The following FANCL variants were observed in gnomAD, a reference collection of about 807,000 sequenced individuals.
The protein encoded by FANCL is E3 ubiquitin-protein ligase FANCL.
In FANCL, 69 loss-of-function variants were observed where a neutral mutation model predicts 59.4. That is an observed-to-expected ratio of 1.16 (90% CI 0.96 to 1.42). The LOEUF (loss-of-function observed/expected upper bound fraction) is 1.42. Among genes scored for constraint, FANCL ranks in the 40% most tolerant of loss-of-function variants. The probability of loss-of-function intolerance (pLI) is 0.00; values close to 1 mark genes in which losing one functional copy is unlikely to be tolerated. For missense variants in FANCL, 519 were observed against 447.2 expected (o/e 1.16, Z -1.45); for synonymous variants, 180 against 147.1 (o/e 1.22, Z -1.62).
rs1170502564 is a variant in FANCL, at chr2:58,159,377, A to C, written c.*388T>G. Reference sequence around the variant, plus strand: ...AGCACAAGGAGAAGACAGAAATATCAAGAGTCTCAAGAACCTTTGAATGAA... The same window carrying C: ...AGCACAAGGAGAAGACAGAAATATCCAGAGTCTCAAGAACCTTTGAATGAA... On this transcript the variant is annotated 3_prime_UTR_variant, in exon 14 of 14. Transcript: ENST00000233741. 1 of 1,610,470 alleles carries C rather than the reference A, an allele frequency of 6.2e-7. No homozygotes were observed. The highest frequency in any genetic ancestry group is 8.5e-7 in the Non-Finnish European group (1 of 1,178,702).
intron 5 of FANCL, among the ~76,000 whole-genome samples, chr2:58,211,014 G>C (rs1287343472): frequency 1.3e-5 from 2 of 152,146 alleles, no homozygotes; most frequent in East Asian, 1.9e-4. Context: ...TACCATTCTG[G>C]GGTCTGGAAG....
intron 11 of FANCL, 27 bp downstream of exon 11, chr2:58,162,839 G>A (rs567636275): frequency 6.3e-7 from 1 of 1,578,024 alleles, no homozygotes; most frequent in Admixed American, 1.7e-5. Context: ...ATACTGTCTG[G>A]AATATCAAAA....
Position 58,159,478 on chromosome 2 carries a change from A to G in FANCL, c.*287T>C, listed in dbSNP as rs1325171728. The G allele has an allele frequency of 8.1e-6, 13 of 1,613,734 alleles. No homozygotes were observed. Among genetic ancestry groups the G allele is most frequent in the Non-Finnish European group, 1.1e-5 (13 of 1,179,762 alleles). On this transcript the variant is annotated 3_prime_UTR_variant, in exon 14 of 14. Transcript: ENST00000233741. Reference sequence around the variant, plus strand: ...TTATGAGCCTCATCAAGATTTTACCAGTCCAGATATATTCAAGAAGTCAAG... The same window carrying G: ...TTATGAGCCTCATCAAGATTTTACCGGTCCAGATATATTCAAGAAGTCAAG...
intron 11 of FANCL, among the ~76,000 whole-genome samples, chr2:58,162,633 T>TTA (rs1685376012): frequency 6.6e-6 from 1 of 151,976 alleles, no homozygotes; most frequent in Non-Finnish European, 1.5e-5. Flanking sequence ...GGAACTTTAA[T>TTA]GTCTGTGGAT....
rs567937973 is a variant in FANCL, at chr2:58,226,896, A to G, written c.217-112T>C. The G allele has an allele frequency of 1.3e-5, 11 of 819,598 alleles. No homozygotes were observed. The African/African-American group carries it at 1.9e-4, about 14-fold the overall frequency. 50.8% of individuals were successfully genotyped at this position (819,598 alleles called of 1,614,324 possible). A position where few individuals can be genotyped will look rare whatever the true frequency, so the allele number is the denominator to read the frequency against. On this transcript the variant is annotated intron_variant, in intron 3 of 13. Transcript: ENST00000233741. ...TGTGAAAAAAAGATTAGCTATATCT[A>G]CATCTGAAAACTATAAGAAATGAAG...
At chr2:58,178,275 C>T (rs369309959) in intron 7 of FANCL, among the ~76,000 whole-genome samples, 2 of 152,062 alleles carry the variant, frequency 1.3e-5, no homozygotes, top group East Asian at 1.9e-4. Flanking sequence ...GGAGGAGGCA[C>T]AACAGAAAAA....
At chr2:58,166,685 A>G (rs1685984878) in intron 7 of FANCL, among the ~76,000 whole-genome samples, 1 of 152,240 alleles carries the variant, frequency 6.6e-6, no homozygotes, top group Non-Finnish European at 1.5e-5. Flanking sequence ...CAAAATGTAA[A>G]GTCACATACT....
intron 1 of FANCL, among the ~76,000 whole-genome samples, chr2:58,234,841 G>A (rs1693869338): frequency 6.6e-6 from 1 of 152,100 alleles, no homozygotes; most frequent in South Asian, 2.1e-4. Flanking sequence ...AAACTGAAGA[G>A]AACTGCTTCT....
chr2:58,168,488 G>A (rs1386282041), intron 7 of FANCL, among the ~76,000 whole-genome samples: 1 of 152,120 alleles, frequency 6.6e-6, no homozygotes, highest in Non-Finnish European at 1.5e-5. Flanking sequence ...TATTTCACCA[G>A]GGCCCTGGGT....
intron 5 of FANCL, among the ~76,000 whole-genome samples, chr2:58,207,020 G>C (rs1220972685): frequency 6.6e-6 from 1 of 152,100 alleles, no homozygotes; most frequent in Non-Finnish European, 1.5e-5. Context: ...ATAAAACCAA[G>C]TTTTAGCAGG....
chr2:58,207,152 T>A (rs573502350), intron 5 of FANCL, among the ~76,000 whole-genome samples: 1 of 152,174 alleles, frequency 6.6e-6, no homozygotes. Flanking sequence ...GGTTCATTTA[T>A]AACAGAACTA....
At position 58,163,463 on chromosome 2, in the gene FANCL, G is replaced by A; in HGVS notation, c.746C>T (p.Pro249Leu). Residue 249 changes from proline (P) to leucine (L), a missense_variant, in exon 9 of 14, where the codon CCT becomes CTT. Coordinates refer to ENST00000233741, the MANE Select transcript of FANCL (RefSeq NM_018062.4). ...GTCAGCTCCAAGAAAGAAGCACTCA[G>A]GAAGCATAGTAGGATGCCTGGGGTC... The part of the protein sequence containing the change: ...EVDPRHPTML[P>L]ECFFLGADHV... 1 of 1,611,038 alleles carries A rather than the reference G, an allele frequency of 6.2e-7. No homozygotes were observed. The highest frequency in any genetic ancestry group is 8.5e-7 in the Non-Finnish European group (1 of 1,177,484).
chr2:58,226,818 C>A (rs1219231555), intron 3 of FANCL, 34 bp from the exon 4 acceptor site: 1 of 1,564,222 alleles, frequency 6.4e-7, no homozygotes, highest in South Asian at 1.1e-5. Flanking sequence ...ATTTCATTTG[C>A]ACAATAAATA....
At chr2:58,180,405 T>C (rs1399041610) in intron 7 of FANCL, among the ~76,000 whole-genome samples, 1 of 152,176 alleles carries the variant, frequency 6.6e-6, no homozygotes, top group African/African-American at 2.4e-5. Flanking sequence ...AAGGATGAGT[T>C]CATGTCCTTT....
chr2:58,182,416 T>G (rs1688019121), intron 7 of FANCL, among the ~76,000 whole-genome samples: 1 of 151,802 alleles, frequency 6.6e-6, no homozygotes, highest in Non-Finnish European at 1.5e-5. Context: ...GAGTCACACT[T>G]CCATACAATT....
intron 1 of FANCL, among the ~76,000 whole-genome samples, chr2:58,232,634 G>A (rs1329151797): frequency 1.3e-5 from 2 of 151,916 alleles, no homozygotes; most frequent in Non-Finnish European, 1.5e-5. Flanking sequence ...ATAAATCAGA[G>A]TATATTTAAT....
intron 8 of FANCL, 60 bp downstream of exon 8, chr2:58,165,664 T>C: frequency 1.4e-6 from 1 of 738,368 alleles, no homozygotes; most frequent in Non-Finnish European, 1.9e-6. Flanking sequence ...TTGTTAGATT[T>C]ATTTTCATAA....
intron 7 of FANCL, among the ~76,000 whole-genome samples, chr2:58,174,419 A>G (rs1360599736): frequency 6.6e-6 from 1 of 152,236 alleles, no homozygotes; most frequent in Non-Finnish European, 1.5e-5. Context: ...GTAAAAGATC[A>G]GAAATCATAA....
chr2:58,169,829 T>G (rs891979425), intron 7 of FANCL, among the ~76,000 whole-genome samples: 1 of 151,754 alleles, frequency 6.6e-6, no homozygotes, highest in African/African-American at 2.4e-5. Context: ...CTTAATGAAA[T>G]AAAGTGTGAA....
Sources: allele counts gnomAD v4.1 joint callset (sites outside exome capture counted in the v4.1 genomes callset), GRCh38; gene constraint gnomAD v4.1.1; transcripts MANE v1.5; gene names NCBI Gene and HGNC (gene_info 2026-07-23, HGNC 2026-07-21).